Variants in MEAK7 observed in about 807,000 individuals in gnomAD.
The protein encoded by MEAK7 is MTOR-associated protein MEAK7.
Under a neutral mutation model 40.5 loss-of-function variants are expected in MEAK7, and 68 were observed. That is an observed-to-expected ratio of 1.68 (90% CI 1.38 to 2.06). MEAK7 has a LOEUF of 2.06. Ranked by LOEUF, MEAK7 falls within the 30% of genes most tolerant of loss-of-function variation. The pLI is 0.00. For missense variants in MEAK7, 918 were observed against 580.5 expected, an observed-to-expected ratio of 1.58 and a Z score of -5.98; for synonymous variants, 338 against 231.9, an observed-to-expected ratio of 1.46 and a Z score of -4.16.
rs146792433 is a variant in MEAK7, at chr16:84,503,749, C to T, written c.-26+852G>A. ...TTGGAAGAAACGGAAGGTTGCTCTGCCTCCGTGATGGAGGGGTGGACAGGG... is the reference window on the plus strand; with the variant it reads ...TTGGAAGAAACGGAAGGTTGCTCTGTCTCCGTGATGGAGGGGTGGACAGGG... On this transcript the variant is annotated intron_variant, in intron 1 of 7. Transcript: ENST00000343629. 1.5e-3 allele frequency among the ~76,000 whole-genome samples: 227 copies of T among 152,232 alleles called. 2 individuals are homozygous for T. Among genetic ancestry groups the T allele is most frequent in the Non-Finnish European group, 2.6e-3 (177 of 68,010 alleles).
At chr16:84,500,131 G>C (rs773157058) in intron 1 of MEAK7, 1 of 152,216 alleles carries the variant, frequency 6.6e-6, no homozygotes, top group Non-Finnish European at 1.5e-5. Flanking sequence ...CTATGTTGTA[G>C]CGCGGGTCAG....
chr16:84,499,583 A>C (rs1914333475), intron 1 of MEAK7, among the ~76,000 whole-genome samples: 1 of 152,162 alleles, frequency 6.6e-6, no homozygotes, highest in Admixed American at 6.5e-5. Flanking sequence ...GGACCTTCAC[A>C]ATACGGTGCA....
intron 6 of MEAK7, among the ~76,000 whole-genome samples, chr16:84,481,912 C>G (rs12596818): frequency 0.31 from 46,516 of 151,894 alleles, 8,347 homozygotes; most frequent in Middle Eastern, 0.46. Flanking sequence ...CCAGCCTGGA[C>G]AAGAGTGGAC....
At position 84,486,943 on chromosome 16, in the gene MEAK7, T is replaced by G. The variant is rs914202372; in HGVS notation, c.646A>C (p.Lys216Gln). Residue 216 changes from lysine to glutamine, a missense_variant, in exon 5 of 8, where the codon AAG (lysine) becomes CAG (glutamine). Coordinates refer to ENST00000343629, the MANE Select transcript of MEAK7 (RefSeq NM_020947.4). ...GACGAGCACAGGATGAGAAAGCCCT[T>G]GCAAATGACCACACTCAGGAATATG... is the stretch of plus-strand genomic sequence containing the variant. ...VAIFLSVVIC[K>Q]GFLILCSSLD... 1 of 1,614,142 alleles carries G rather than the reference T, an allele frequency of 6.2e-7. No individual in the cohort carries two copies. The highest frequency in any genetic ancestry group is 1.3e-5 in the African/African-American group (1 of 75,034).
At position 84,480,045 on chromosome 16, in the gene MEAK7, G is replaced by T. The variant is rs1391159769; in HGVS notation, c.1258-19C>A. Reference sequence around the variant, plus strand: ...CCTTGGCCTTGAGAAGAGAAGAAAGGGTGGGTGTGTTCCATGATGGCCCAA... The same window carrying T: ...CCTTGGCCTTGAGAAGAGAAGAAAGTGTGGGTGTGTTCCATGATGGCCCAA... On this transcript the variant is annotated intron_variant, in intron 7 of 7. Coordinates refer to ENST00000343629, the MANE Select transcript of MEAK7 (RefSeq NM_020947.4). The T allele has an allele frequency of 1.9e-6, 3 of 1,569,992 alleles. No homozygotes were observed. The highest frequency in any genetic ancestry group is 2.6e-6 in the Non-Finnish European group (3 of 1,149,630).
intron 3 of MEAK7, among the ~76,000 whole-genome samples, chr16:84,491,555 AC>A (rs1913611619): frequency 7.6e-6 from 1 of 131,482 alleles, no homozygotes; most frequent in African/African-American, 2.9e-5. Context: ...AAAAAAAAAA[AC>A]GTCTGGGCAC....
chr16:84,497,765 T>A (rs1290246419), intron 2 of MEAK7, 169 bp downstream of exon 2: 1 of 1,309,268 alleles, frequency 7.6e-7, no homozygotes, highest in Admixed American at 2.0e-5. Context: ...AGAGACCGCA[T>A]AGCTCACAAA....
At chr16:84,484,114 G>A (rs452408) in intron 5 of MEAK7, among the ~76,000 whole-genome samples, 62,807 of 152,046 alleles carry the variant, frequency 0.41, 13,475 homozygotes, top group South Asian at 0.59. Context: ...CCGTCTTGCT[G>A]CGGAGCAAGG....
chr16:84,495,510 C>A (rs938775612), intron 3 of MEAK7, 173 bp downstream of exon 3: 19 of 628,474 alleles, frequency 3.0e-5, no homozygotes, highest in Admixed American at 1.2e-4. Flanking sequence ...AAGGCACAGG[C>A]CTCTCTCCCA....
At chr16:84,484,366 G>A (rs932506856) in intron 5 of MEAK7, among the ~76,000 whole-genome samples, 1 of 152,218 alleles carries the variant, frequency 6.6e-6, no homozygotes, top group Non-Finnish European at 1.5e-5. Flanking sequence ...CTCGGCCGCC[G>A]AGGAGCTGCC....
chr16:84,479,496 CGG>C lies in MEAK7; in HGVS notation c.*415_*416del, dbSNP rs1360926356. On this transcript the variant is annotated 3_prime_UTR_variant, in exon 8 of 8. Coordinates refer to ENST00000343629, the MANE Select transcript of MEAK7 (RefSeq NM_020947.4). The stretch of plus-strand genomic sequence containing the variant: ...TGCCAGCGGAATTCCCTAATGCCAG[CGG>C]AATTCCCTAATGCCAGCGGAATTCC... 4.6e-3 allele frequency: 613 copies of C among 131,926 alleles called. 16 individuals are homozygous for C. The highest frequency in any genetic ancestry group is 0.018 in the African/African-American group (569 of 31,790). The allele number at this position is 131,926 out of a possible 1,614,324, so 8.2% of individuals were successfully genotyped here. A position where few individuals can be genotyped will look rare whatever the true frequency, so the allele number is the denominator to read the frequency against.
chr16:84,498,157 A>G lies in MEAK7; in HGVS notation c.-25-46T>C, dbSNP rs376649973. On this transcript the variant is annotated intron_variant, in intron 1 of 7. Transcript: ENST00000343629. ...ACATTAGAAAAATCAAAATTTAATAATCACAGAAAATAAATGTTGAGAATT... is the reference window on the plus strand; with the variant it reads ...ACATTAGAAAAATCAAAATTTAATAGTCACAGAAAATAAATGTTGAGAATT... The G allele has an allele frequency of 1.3e-4, 204 of 1,522,822 alleles. 3 individuals are homozygous for G. The South Asian group carries it at 2.5e-3, about 19-fold the overall frequency. 94.3% of individuals were successfully genotyped at this position (1,522,822 alleles called of 1,614,324 possible).
At position 84,498,435 on chromosome 16, in the gene MEAK7, A is replaced by ATTTT. The variant is rs111992656; in HGVS notation, c.-25-328_-25-325dup. 1.9e-4 allele frequency among the ~76,000 whole-genome samples: 27 copies of ATTTT among 144,828 alleles called. No individual in the cohort carries two copies. The South Asian group carries it at 4.6e-3, about 25-fold the overall frequency. On this transcript the variant is annotated intron_variant, in intron 1 of 7. Transcript: ENST00000343629. ...AGGACCACACCAGGATGCCTGGCTA[A>ATTTT]TTTTTTTTTTTTTGTCTTCTGTAGA...
rs1325308492 is a variant in MEAK7, at chr16:84,489,305, G to C, written c.502C>G (p.Gln168Glu). The change falls in exon 4 of 8, where the codon CAG becomes GAG. Residue 168 changes from glutamine (Q) to glutamate (E), a missense_variant. Coordinates refer to ENST00000343629, the MANE Select transcript of MEAK7 (RefSeq NM_020947.4). ...PNPRVQVLAA[Q>E]LLSDMKLQDG... Reference sequence around the variant, plus strand: ...TGCAGCTTCATGTCAGAGAGCAGCTGAGCAGCCAGCACCTGCACCCGGGGG... The same window carrying C: ...TGCAGCTTCATGTCAGAGAGCAGCTCAGCAGCCAGCACCTGCACCCGGGGG... 3 of 1,614,138 alleles carry C rather than the reference G, an allele frequency of 1.9e-6. No homozygotes were observed. Among genetic ancestry groups the C allele is most frequent in the African/African-American group, 1.3e-5 (1 of 75,066 alleles).
intron 1 of MEAK7, among the ~76,000 whole-genome samples, chr16:84,499,587 C>G (rs774765297): frequency 1.3e-5 from 2 of 152,152 alleles, no homozygotes; most frequent in Non-Finnish European, 2.9e-5. Context: ...CTTCACAATA[C>G]GGTGCAACCC....
chr16:84,492,869 A>T (rs1406770656), intron 3 of MEAK7, among the ~76,000 whole-genome samples: 2 of 152,226 alleles, frequency 1.3e-5, no homozygotes, highest in African/African-American at 4.8e-5. Context: ...GGCGTCAGCC[A>T]CTACGCCCAG....
rs35489449 is a variant in MEAK7 at position 84,490,654 on chromosome 16, ATGTGTGTGTGTGTGTGTGTGTGTG to A, written c.385-1256_385-1233del. ...TCAGCTTAATTAAAAGCTAATCAAG[ATGTGTGTGTGTGTGTGTGTGTGTG>A]TGTGTGTGTGTGTGTGTATTTAAAG... On this transcript the variant is annotated intron_variant, in intron 3 of 7. Transcript: ENST00000343629. Among the ~76,000 whole-genome samples the A allele has an allele frequency of 5.7e-4, 78 of 137,616 alleles. 1 individual carries two copies. Among genetic ancestry groups the A allele is most frequent in the Non-Finnish European group, 9.6e-4 (62 of 64,830 alleles). The allele number at this position is 137,616 out of a possible 152,430, so 90.3% of individuals were successfully genotyped here. A position where few individuals can be genotyped will look rare whatever the true frequency, so the allele number is the denominator to read the frequency against.
intron 3 of MEAK7, among the ~76,000 whole-genome samples, chr16:84,493,765 T>G (rs1235809286): frequency 6.6e-6 from 1 of 152,244 alleles, no homozygotes. Context: ...CACTGGTTAT[T>G]TCATGAAGGC....
intron 4 of MEAK7, 21 bp downstream of exon 4, chr16:84,489,257 A>C: frequency 6.8e-6 from 11 of 1,611,996 alleles, no homozygotes; most frequent in Non-Finnish European, 9.3e-6. Flanking sequence ...GACCTGCATC[A>C]CCGCGTCCAC....
Sources: allele counts gnomAD v4.1 joint callset (sites outside exome capture counted in the v4.1 genomes callset), GRCh38; gene constraint gnomAD v4.1.1; transcripts MANE v1.5; gene names NCBI Gene and HGNC (gene_info 2026-07-23, HGNC 2026-07-21).